The following MGRN1 variants were observed in gnomAD, a reference collection of about 807,000 sequenced individuals.
MGRN1 encodes mahogunin ring finger 1.
MGRN1 carries 29 observed loss-of-function variants against 69.2 expected under a neutral mutation model. That is an observed-to-expected ratio of 0.42 (90% CI 0.31 to 0.57). MGRN1 has a LOEUF of 0.57. Ranked by LOEUF, MGRN1 falls within the 20% of genes least tolerant of loss-of-function variation. MGRN1 has a pLI of 0.15. For synonymous variants in MGRN1, 470 were observed against 344.2 expected (o/e 1.37, Z -4.04); for missense variants, 998 against 796.2 (o/e 1.25, Z -3.05).
intron 8 of MGRN1, 83 bp from the exon 9 acceptor site, chr16:4,671,308 A>C: frequency 7.4e-7 from 1 of 1,347,346 alleles, no homozygotes; most frequent in South Asian, 1.2e-5. Flanking sequence ...GGTAAGTTGG[A>C]GGCAGGGCTA....
chr16:4,644,189 A>G (rs1273746823), intron 1 of MGRN1, among the ~76,000 whole-genome samples: 1 of 150,402 alleles, frequency 6.6e-6, no homozygotes, highest in African/African-American at 2.5e-5. Flanking sequence ...ATGGGGTTTT[A>G]CCATGTTGGC....
At chr16:4,687,085 C>G (rs764028468) in intron 16 of MGRN1, 6 of 985,484 alleles carry the variant, frequency 6.1e-6, no homozygotes, top group Non-Finnish European at 7.2e-6. Context: ...CACACAGTCC[C>G]TCGTGGGCTG....
At chr16:4,639,409 A>G (rs574285681) in intron 1 of MGRN1, among the ~76,000 whole-genome samples, 1 of 152,156 alleles carries the variant, frequency 6.6e-6, no homozygotes, top group South Asian at 2.1e-4. Context: ...ATGTGGAATC[A>G]CTGGTCTGCA....
At position 4,684,743 on chromosome 16, in the gene MGRN1, T is replaced by C. The variant is rs530544964; in HGVS notation, c.1618+811T>C. 1.6e-4 allele frequency among the ~76,000 whole-genome samples: 24 copies of C among 152,380 alleles called. No homozygotes were observed. In the South Asian group the frequency reaches 5.0e-3, roughly 32 times the overall value. Reference sequence around the variant, plus strand: ...GAGGGAATGGGGGCTCTCAGACTAGTGTCTCAGCACCTGCCACGAGGCTGT... The same window carrying C: ...GAGGGAATGGGGGCTCTCAGACTAGCGTCTCAGCACCTGCCACGAGGCTGT... On this transcript the variant is annotated intron_variant, in intron 16 of 16. Transcript: ENST00000262370.
chr16:4,660,661 C>G (rs2078656194), intron 5 of MGRN1, among the ~76,000 whole-genome samples: 1 of 152,234 alleles, frequency 6.6e-6, no homozygotes, highest in Admixed American at 6.5e-5. Flanking sequence ...GCTCCATCAC[C>G]TAAAGGAGTG....
chr16:4,674,611 C>CT (rs2079013678), intron 10 of MGRN1, among the ~76,000 whole-genome samples: 2 of 79,324 alleles, frequency 2.5e-5, no homozygotes, highest in East Asian at 4.1e-4. Context: ...CTTTTTTTTT[C>CT]TTTTCTTTTC....
chr16:4,676,284 G>A (rs1195456462), intron 10 of MGRN1, among the ~76,000 whole-genome samples: 2 of 152,188 alleles, frequency 1.3e-5, no homozygotes, highest in Non-Finnish European at 2.9e-5. Flanking sequence ...CGGGGGCAGG[G>A]ACCAGGAAGT....
At chr16:4,676,226 C>T (rs759736148) in intron 10 of MGRN1, among the ~76,000 whole-genome samples, 15 of 152,118 alleles carry the variant, frequency 9.9e-5, no homozygotes, top group Admixed American at 4.6e-4. Flanking sequence ...CAGGGAGGGC[C>T]GGCCCAGGCT....
At chr16:4,662,695 G>A (rs1209404309) in intron 5 of MGRN1, among the ~76,000 whole-genome samples, 1 of 152,182 alleles carries the variant, frequency 6.6e-6, no homozygotes, top group Non-Finnish European at 1.5e-5. Context: ...GAGGGAGGAG[G>A]GCCTGAGATG....
At chr16:4,683,729 G>A in intron 15 of MGRN1, 114 bp from the exon 16 acceptor site, 1 of 837,626 alleles carries the variant, frequency 1.2e-6, no homozygotes. Context: ...ACAAGCCTGG[G>A]GTCCCCACAG....
intron 8 of MGRN1, among the ~76,000 whole-genome samples, chr16:4,670,120 A>C (rs181118921): frequency 1.3e-5 from 2 of 152,326 alleles, no homozygotes; most frequent in East Asian, 3.9e-4. Flanking sequence ...GCTGGAATGC[A>C]GTGGCGCGAT....
intron 10 of MGRN1, among the ~76,000 whole-genome samples, chr16:4,674,119 G>A (rs779221235): frequency 1.8e-4 from 27 of 152,170 alleles, no homozygotes; most frequent in Non-Finnish European, 3.7e-4. Flanking sequence ...CTAGTAGCTG[G>A]GATTGCAGGC....
intron 1 of MGRN1, among the ~76,000 whole-genome samples, chr16:4,635,523 G>T (rs1898237120): frequency 6.6e-6 from 1 of 151,792 alleles, no homozygotes. Context: ...AGGCTGGAGT[G>T]TAGTGGCATG....
chr16:4,653,529 C>T (rs901138985), intron 4 of MGRN1, among the ~76,000 whole-genome samples: 3 of 152,214 alleles, frequency 2.0e-5, no homozygotes, highest in African/African-American at 7.2e-5. Context: ...CACTCTGCTG[C>T]CCAGGCTGGC....
Position 4,677,951 on chromosome 16 carries a change from A to G in MGRN1, c.1065+379A>G, listed in dbSNP as rs552757994. Among the ~76,000 whole-genome samples, 12 of 150,862 alleles carry G rather than the reference A, an allele frequency of 8.0e-5. 1 individual carries two copies. The South Asian group carries it at 2.5e-3, about 32-fold the overall frequency. On this transcript the variant is annotated intron_variant, in intron 11 of 16. Coordinates refer to ENST00000262370, the MANE Select transcript of MGRN1 (RefSeq NM_015246.4). ...GCAGCCTCGACCTCCCGCCTCAAGC[A>G]ATTCCCCCATTTCAGCCTCCCAAGA... is the stretch of plus-strand genomic sequence containing the variant.
In MGRN1 at chr16:4,689,001, G is replaced by A; in HGVS notation, c.*93G>A. 4.2e-6 allele frequency: 6 copies of A among 1,435,580 alleles called. No homozygotes were observed. Among genetic ancestry groups the A allele is most frequent in the East Asian group, 5.1e-5 (2 of 39,584 alleles). The allele number at this position is 1,435,580 out of a possible 1,614,324, so 88.9% of individuals were successfully genotyped here. On this transcript the variant is annotated 3_prime_UTR_variant, in exon 17 of 17. Transcript: ENST00000262370. ...CCCGTTGTGAGCCGGCCTCCTGTCT[G>A]CATGCCCCCTGTGGCCACCAGGCTC...
At position 4,681,725 on chromosome 16, in the gene MGRN1, T is replaced by C. The variant is rs575952569; in HGVS notation, c.1307T>C (p.Ile436Thr). Residue 436 changes from isoleucine (I) to threonine (T), a missense_variant, in exon 13 of 17, where the codon ATC becomes ACC. Coordinates refer to ENST00000262370, the MANE Select transcript of MGRN1 (RefSeq NM_015246.4). ...ASCPLAAIDH[I>T]LDSSRQKGRP... The stretch of plus-strand genomic sequence containing the variant: ...TGTCCCCTCGCGGCTATCGACCACA[T>C]CCTGGACAGCAGCCGCCAGAAGGGC... 4 of 1,612,850 alleles carry C rather than the reference T, an allele frequency of 2.5e-6. No individual in the cohort carries two copies. The East Asian group carries it at 6.7e-5, about 27-fold the overall frequency.
rs1024368283 is a variant in MGRN1, at chr16:4,690,037, T to G, written c.*1129T>G. 2.6e-5 allele frequency: 4 copies of G among 152,160 alleles called. No individual in the cohort carries two copies. The highest frequency in any genetic ancestry group is 9.7e-5 in the African/African-American group (4 of 41,370). The allele number at this position is 152,160 out of a possible 1,614,324, so 9.4% of individuals were successfully genotyped here. A position where few individuals can be genotyped will look rare whatever the true frequency, so the allele number is the denominator to read the frequency against. ...CCTCGGCCTCCCAGAGTGCTGAGAT[T>G]ACAGGCGTGAGCCTCCGCGCCCGGC... On this transcript the variant is annotated 3_prime_UTR_variant, in exon 17 of 17. Transcript: ENST00000262370.
intron 16 of MGRN1, among the ~76,000 whole-genome samples, chr16:4,685,267 C>G (rs2079283202): frequency 6.6e-6 from 1 of 152,256 alleles, no homozygotes. Flanking sequence ...AACATGATAT[C>G]TGATCCTGCA....
Sources: gnomAD v4.1 joint callset for allele counts (sites outside exome capture counted in the v4.1 genomes callset) on GRCh38, gnomAD v4.1.1 for gene constraint, MANE v1.5 for transcripts, NCBI Gene and HGNC (gene_info 2026-07-23, HGNC 2026-07-21) for gene names.